ATP8A2: variants seen among roughly 807,000 people sequenced by gnomAD.
ATP8A2 encodes ATPase phospholipid transporting 8A2, also known as phospholipid-transporting ATPase IB.
Under a neutral mutation model 165.6 loss-of-function variants are expected in ATP8A2, and 100 were observed. The ratio of observed to expected loss-of-function variants is 0.60; its 90% CI spans 0.51 to 0.71. The LOEUF is 0.71. Ranked by LOEUF, ATP8A2 falls within the 30% of genes least tolerant of loss-of-function variation. The pLI, the probability that ATP8A2 is intolerant of heterozygous loss-of-function variation, is 0.00. For synonymous variants in ATP8A2, 543 were observed against 548.8 expected (o/e 0.99, Z 0.15); for missense variants, 1,227 against 1,479.5 (o/e 0.83, Z 2.80).
intron 27 of ATP8A2, among the ~76,000 whole-genome samples, chr13:25,802,111 T>C (rs1950634481): frequency 1.3e-5 from 2 of 152,186 alleles, no homozygotes; most frequent in South Asian, 4.1e-4. Context: ...TAACCTACGT[T>C]AGAGATTCGT....
intron 1 of ATP8A2, among the ~76,000 whole-genome samples, chr13:25,380,401 A>G (rs1245771398): frequency 6.6e-6 from 1 of 152,216 alleles, no homozygotes; most frequent in Non-Finnish European, 1.5e-5. Context: ...AGTGGCCACT[A>G]GCTGCATGTG....
intron 33 of ATP8A2, among the ~76,000 whole-genome samples, chr13:25,920,083 C>T (rs988165875): frequency 2.6e-5 from 4 of 152,186 alleles, no homozygotes; most frequent in Admixed American, 6.5e-5. Context: ...CCACTGCGAC[C>T]AGCGTTGTTT....
At chr13:25,376,646 A>C (rs2032636203) in intron 1 of ATP8A2, among the ~76,000 whole-genome samples, 1 of 152,230 alleles carries the variant, frequency 6.6e-6, no homozygotes, top group Admixed American at 6.5e-5. Context: ...CACATTATCA[A>C]GATGATATCG....
intron 33 of ATP8A2, among the ~76,000 whole-genome samples, chr13:25,935,468 A>G (rs936072321): frequency 6.6e-6 from 1 of 152,228 alleles, no homozygotes; most frequent in Non-Finnish European, 1.5e-5. Flanking sequence ...CTGTAAAGGA[A>G]TACCTGAGGC....
chr13:25,616,861 T>A (rs979648874), intron 24 of ATP8A2, among the ~76,000 whole-genome samples: 4 of 152,192 alleles, frequency 2.6e-5, no homozygotes, highest in African/African-American at 4.8e-5. Context: ...CTGGTGCATG[T>A]GGCTCCCATT....
At chr13:25,374,916 A>C (rs2032563054) in intron 1 of ATP8A2, among the ~76,000 whole-genome samples, 1 of 152,234 alleles carries the variant, frequency 6.6e-6, no homozygotes, top group Admixed American at 6.5e-5. Flanking sequence ...AAAGGATTGC[A>C]GATCACAGTC....
At chr13:25,797,448 A>G (rs575601097) in intron 27 of ATP8A2, among the ~76,000 whole-genome samples, 112 of 152,284 alleles carry the variant, frequency 7.4e-4, no homozygotes, top group Non-Finnish European at 1.5e-3. Flanking sequence ...AAAATTTAAA[A>G]TTTTATTAAA....
At chr13:25,885,741 G>T (rs775425494) in intron 33 of ATP8A2, among the ~76,000 whole-genome samples, 8 of 152,218 alleles carry the variant, frequency 5.3e-5, no homozygotes, top group Non-Finnish European at 8.8e-5. Flanking sequence ...TTCAATCAGA[G>T]CAGGGTATTT....
intron 2 of ATP8A2, among the ~76,000 whole-genome samples, chr13:25,493,383 C>T (rs1261972459): frequency 6.6e-6 from 1 of 152,162 alleles, no homozygotes; most frequent in Non-Finnish European, 1.5e-5. Flanking sequence ...AAAATCCCCA[C>T]AGAGATCCTT....
intron 33 of ATP8A2, among the ~76,000 whole-genome samples, chr13:25,906,434 A>G (rs1224003540): frequency 6.6e-6 from 1 of 152,060 alleles, no homozygotes; most frequent in Non-Finnish European, 1.5e-5. Flanking sequence ...AACTCTACCC[A>G]GTCTTCAAGG....
At chr13:26,015,469 T>A (rs1028133942) in intron 36 of ATP8A2, among the ~76,000 whole-genome samples, 2 of 152,192 alleles carry the variant, frequency 1.3e-5, no homozygotes, top group African/African-American at 4.8e-5. Flanking sequence ...TTTGTCCCCA[T>A]GGTCTTCTCA....
intron 2 of ATP8A2, among the ~76,000 whole-genome samples, chr13:25,506,405 C>G (rs2037037500): frequency 6.6e-6 from 1 of 152,196 alleles, no homozygotes; most frequent in African/African-American, 2.4e-5. Flanking sequence ...GGATTGGGGC[C>G]AAATGTACCA....
intron 8 of ATP8A2, among the ~76,000 whole-genome samples, chr13:25,540,936 A>G (rs2038455972): frequency 6.7e-6 from 1 of 150,032 alleles, no homozygotes; most frequent in South Asian, 2.1e-4. Flanking sequence ...ACCTCGGCTT[A>G]CTACAACCTC....
chr13:25,510,764 T>C (rs1174006841), intron 2 of ATP8A2, among the ~76,000 whole-genome samples: 4 of 152,126 alleles, frequency 2.6e-5, no homozygotes, highest in Non-Finnish European at 5.9e-5. Flanking sequence ...TTAGTCTGAT[T>C]TCATGTTCTA....
At position 25,546,533 on chromosome 13, in the gene ATP8A2, G is replaced by A. The variant is rs186353274; in HGVS notation, c.891+3131G>A. ...TTCTACCTTTTTTTTTTTTTTTGAAGTCTCTCACCTCAATGCCTTTTGCCC... is the reference window on the plus strand; with the variant it reads ...TTCTACCTTTTTTTTTTTTTTTGAAATCTCTCACCTCAATGCCTTTTGCCC... On this transcript the variant is annotated intron_variant, in intron 10 of 36. Transcript: ENST00000381655. Among the ~76,000 whole-genome samples the A allele has an allele frequency of 4.1e-3, 543 of 133,680 alleles. 3 individuals carry two copies. The highest frequency in any genetic ancestry group is 0.026 in the Middle Eastern group (6 of 232). The allele number at this position is 133,680 out of a possible 152,430, so 87.7% of individuals were successfully genotyped here.
chr13:25,855,991 T>A (rs1952154130), intron 30 of ATP8A2, among the ~76,000 whole-genome samples: 1 of 152,218 alleles, frequency 6.6e-6, no homozygotes, highest in Non-Finnish European at 1.5e-5. Context: ...ATTTTTAAAT[T>A]TTTTGGGTGG....
intron 29 of ATP8A2, 74 bp downstream of exon 29, chr13:25,837,359 G>A (rs544581710): frequency 5.8e-4 from 904 of 1,551,162 alleles, no homozygotes; most frequent in Middle Eastern, 5.5e-3. Flanking sequence ...CTGCCTAGGA[G>A]ATAGTTGAAG....
At position 25,574,835 on chromosome 13, in the gene ATP8A2, C is replaced by T; in HGVS notation, c.1690C>T (p.Leu564Phe). The T allele has an allele frequency of 6.4e-7, 1 of 1,559,152 alleles. No individual in the cohort carries two copies. The highest frequency in any genetic ancestry group is 1.4e-5 in the African/African-American group (1 of 73,458). ...GGGACAGGAACAAACATTCGGAATC[C>T]TTAATGTCCTGGAATTTTCTAGGTA... The part of the protein sequence containing the change: ...AMGQEQTFGI[L>F]NVLEFSSDRK... Residue 564 changes from leucine to phenylalanine, a missense_variant, in exon 19 of 37, where the codon CTT (leucine) becomes TTT (phenylalanine). Around this residue, in one of 5 missense-constraint regions of ATP8A2, gnomAD observed 592 missense variants for 785.6 expected, o/e 0.75. Transcript: ENST00000381655.
Position 25,871,268 on chromosome 13 carries a change from T to A in ATP8A2, c.3183+8860T>A, listed in dbSNP as rs144673292. The A allele has an allele frequency of 6.5e-5, 22 of 339,282 alleles. No homozygotes were observed. The East Asian group carries it at 2.1e-3, about 33-fold the overall frequency. The allele number at this position is 339,282 out of a possible 1,614,324, so 21.0% of individuals were successfully genotyped here. Reference sequence around the variant, plus strand: ...CTCAGTGGTCACAGTGTACGTCTGATGTGGTTTTGAACTTTTCCTTTCTTG... The same window carrying A: ...CTCAGTGGTCACAGTGTACGTCTGAAGTGGTTTTGAACTTTTCCTTTCTTG... On this transcript the variant is annotated intron_variant, in intron 33 of 36. Coordinates refer to ENST00000381655, the MANE Select transcript of ATP8A2 (RefSeq NM_016529.6).
Sources: gnomAD v4.1 joint callset for allele counts (sites outside exome capture counted in the v4.1 genomes callset) on GRCh38, gnomAD v4.1.1 for gene constraint, gnomAD v4.1.1 regional missense constraint, MANE v1.5 for transcripts, NCBI Gene and HGNC (gene_info 2026-07-23, HGNC 2026-07-21) for gene names.